Variants in FGD6 observed in about 807,000 individuals in gnomAD.
FGD6 encodes FYVE, RhoGEF and PH domain containing 6, also known as FYVE, RhoGEF and PH domain-containing protein 6.
Under a neutral mutation model 149.4 loss-of-function variants are expected in FGD6, and 90 were observed. The ratio of observed to expected loss-of-function variants is 0.60; its 90% confidence interval spans 0.51 to 0.72. The LOEUF (loss-of-function observed/expected upper bound fraction) is 0.72. Among genes scored for constraint, FGD6 ranks in the 30% least tolerant of loss-of-function variants. The pLI, the probability that FGD6 is intolerant of heterozygous loss-of-function variation, is 0.00. For synonymous variants in FGD6, 527 were observed against 584.0 expected (o/e 0.90, Z 1.41); for missense variants, 1,437 against 1,684.8 (o/e 0.85, Z 2.57).
At chr12:95,157,950 C>T (rs911792634) in intron 3 of FGD6, among the ~76,000 whole-genome samples, 5 of 152,068 alleles carry the variant, frequency 3.3e-5, no homozygotes, top group Non-Finnish European at 7.4e-5. Flanking sequence ...CGGGTTCAAG[C>T]GATTTTCCTG....
chr12:95,197,294 C>G (rs113010704), intron 2 of FGD6, among the ~76,000 whole-genome samples: 16 of 151,994 alleles, frequency 1.1e-4, no homozygotes, highest in African/African-American at 3.6e-4. Context: ...AAAAATTAGC[C>G]CAGTGTGGTG....
At chr12:95,115,835 G>C (rs145368647) in intron 8 of FGD6, among the ~76,000 whole-genome samples, 2 of 152,274 alleles carry the variant, frequency 1.3e-5, no homozygotes, top group Non-Finnish European at 2.9e-5. Flanking sequence ...CTGAAACTTC[G>C]TAAGTCTTTG....
In FGD6 at chr12:95,110,361, A is replaced by ATT. The variant is rs35972619; in HGVS notation, c.3134-1802_3134-1801dup. Among the ~76,000 whole-genome samples, 805 of 140,856 alleles carry ATT rather than the reference A, an allele frequency of 5.7e-3. 40 individuals are homozygous for ATT. The East Asian group carries it at 0.14, about 24-fold the overall frequency. 92.4% of individuals were successfully genotyped at this position (140,856 alleles called of 152,430 possible). A position where few individuals can be genotyped will look rare whatever the true frequency, so the allele number is the denominator to read the frequency against. ...ATAGAGACCCTGACTATATATCAGAATTTTTTTTTTTTTTTGAGACAGTCT... is the reference window on the plus strand; with the variant it reads ...ATAGAGACCCTGACTATATATCAGAATTTTTTTTTTTTTTTTTGAGACAGTCT... On this transcript the variant is annotated intron_variant, in intron 9 of 20. Coordinates refer to ENST00000343958, the MANE Select transcript of FGD6 (RefSeq NM_018351.4).
intron 2 of FGD6, among the ~76,000 whole-genome samples, chr12:95,203,000 T>G (rs1592875713): frequency 2.0e-5 from 3 of 152,224 alleles, no homozygotes; most frequent in African/African-American, 7.2e-5. Context: ...CATAGGCTGT[T>G]AATGTATACT....
chr12:95,092,712 C>T lies in FGD6; in HGVS notation c.3734G>A (p.Arg1245Gln), dbSNP rs772590068. 1.6e-5 allele frequency: 26 copies of T among 1,613,876 alleles called. No homozygotes were observed. Among genetic ancestry groups the T allele is most frequent in the Non-Finnish European group, 2.1e-5 (25 of 1,179,998 alleles). ...FTLTWRRHHC[R>Q]ACGKIVCQAC... ...ATCATCGCCAACCTTTCCACAGGCC[C>T]GGCAGTGGTGTCGTCTCCAGGTGAG... The change falls in exon 16 of 21, where the codon CGG becomes CAG. Residue 1245 changes from arginine to glutamine, a missense_variant. Transcript: ENST00000343958.
intron 3 of FGD6, among the ~76,000 whole-genome samples, chr12:95,158,135 C>T (rs1391723066): frequency 3.4e-5 from 5 of 148,162 alleles, no homozygotes; most frequent in African/African-American, 1.0e-4. Flanking sequence ...CAGGCATGAG[C>T]CACCGTGCCT....
chr12:95,146,273 C>CT (rs550408072), intron 5 of FGD6, among the ~76,000 whole-genome samples: 14 of 152,170 alleles, frequency 9.2e-5, no homozygotes, highest in South Asian at 2.1e-4. Context: ...GAGGTGACAT[C>CT]TTTTTTTTAT....
rs200227122 is a variant in FGD6 at position 95,137,538 on chromosome 12, A to G, written c.2978T>C (p.Val993Ala). ...AGCAAATACCTCAAATTCTCTAACA[A>G]CAGCAGCAAAACCTGGATTTTTCTT... ...QCKKNPGFAA[V>A]VREFEMSPRC... Residue 993 changes from valine (V) to alanine (A), a missense_variant, in exon 7 of 21, where the codon GTT becomes GCT. Val to Ala is a moderately conservative substitution (Grantham distance 64). Around this residue, in one of 2 missense-constraint regions of FGD6, gnomAD observed 382 missense variants for 538.7 expected, o/e 0.71. Transcript: ENST00000343958. 1.4e-4 allele frequency: 226 copies of G among 1,593,410 alleles called. No individual in the cohort carries two copies. The highest frequency in any genetic ancestry group is 2.4e-4 in the South Asian group (21 of 86,528).
intron 14 of FGD6, among the ~76,000 whole-genome samples, chr12:95,101,808 G>A (rs1878447390): frequency 1.4e-5 from 2 of 146,234 alleles, no homozygotes. Context: ...TCAGTCTCCC[G>A]AGTAGCTGGG....
Position 95,105,090 on chromosome 12 carries a change from G to GAAGAAAGC in FGD6, c.3418-12_3418-5dup. 1.2e-6 allele frequency: 2 copies of GAAGAAAGC among 1,605,526 alleles called. No homozygotes were observed. Reference sequence around the variant, plus strand: ...CTTCTTGGGTAGGTTTTCTGACCTGGAAGAAAGCACAACAATTTGAGCCGA... The same window carrying GAAGAAAGC: ...CTTCTTGGGTAGGTTTTCTGACCTGGAAGAAAGCAAGAAAGCACAACAATTTGAGCCGA... On this transcript the variant is annotated splice_region_variant and splice_polypyrimidine_tract_variant and intron_variant, in intron 13 of 20. Transcript: ENST00000343958.
chr12:95,153,874 G>A (rs531610561), intron 3 of FGD6, among the ~76,000 whole-genome samples: 5 of 151,714 alleles, frequency 3.3e-5, no homozygotes, highest in Non-Finnish European at 7.4e-5. Context: ...TGCTTAGAGA[G>A]TCAAGGCAGT....
intron 20 of FGD6, 33 bp downstream of exon 20, chr12:95,084,465 T>C (rs1877793421): frequency 6.7e-7 from 1 of 1,487,358 alleles, no homozygotes; most frequent in East Asian, 2.5e-5. Context: ...TGAAATCTCA[T>C]GAATAAAAGA....
At chr12:95,092,908 T>G (rs747575519) in intron 15 of FGD6, 63 bp from the exon 16 acceptor site, 2 of 1,537,230 alleles carry the variant, frequency 1.3e-6, no homozygotes, top group Non-Finnish European at 1.8e-6. Context: ...TATTCGGCAG[T>G]GGCATCTCAC....
At chr12:95,139,724 C>T (rs1045429114) in intron 6 of FGD6, among the ~76,000 whole-genome samples, 9 of 151,318 alleles carry the variant, frequency 5.9e-5, no homozygotes, top group Admixed American at 2.6e-4. Context: ...GGCACAATCT[C>T]GGCTCACTGC....
intron 2 of FGD6, among the ~76,000 whole-genome samples, chr12:95,174,909 AGAGT>A (rs1218297200): frequency 7.7e-6 from 1 of 129,914 alleles, no homozygotes; most frequent in Non-Finnish European, 1.6e-5. Flanking sequence ...CCTGGGCGAC[AGAGT>A]GAGACTCCAT....
intron 8 of FGD6, chr12:95,126,501 G>A (rs572686248): frequency 1.9e-6 from 1 of 529,284 alleles, no homozygotes; most frequent in African/African-American, 2.0e-5. Flanking sequence ...GGCTGAGGCA[G>A]GTGGATCACT....
At position 95,210,885 on chromosome 12, in the gene FGD6, TA is replaced by T; in HGVS notation, c.398del (p.Leu133Ter). The T allele has an allele frequency of 6.2e-7, 1 of 1,612,990 alleles. No homozygotes were observed. The highest frequency in any genetic ancestry group is 8.5e-7 in the Non-Finnish European group (1 of 1,179,746). On this transcript the variant is annotated frameshift_variant, in exon 2 of 21. Coordinates refer to ENST00000343958, the MANE Select transcript of FGD6 (RefSeq NM_018351.4). LOFTEE classifies it high-confidence loss of function. ...RENLCVKQLV[L>X]EPLEMNENLE... ...AATTTTCATTCATTTCCAGGGGCTCTAAAACAAGCTGCTTTACACACAAATT... is the reference window on the plus strand; with the variant it reads ...AATTTTCATTCATTTCCAGGGGCTCTAAACAAGCTGCTTTACACACAAATT...
intron 3 of FGD6, among the ~76,000 whole-genome samples, chr12:95,168,124 CTT>C (rs1880878282): frequency 6.6e-6 from 1 of 152,112 alleles, no homozygotes; most frequent in Non-Finnish European, 1.5e-5. Flanking sequence ...AATAAACTGA[CTT>C]TAAAAAATTA....
Position 95,172,627 on chromosome 12 carries a change from T to C in FGD6, c.2559A>G (p.Gly853=). Reference sequence around the variant, plus strand: ...GTTTATCTTCCAGTGGGTCAGGCTCTCCTTTACTTGACTCAGAGCTGACAT... The same window carrying C: ...GTTTATCTTCCAGTGGGTCAGGCTCCCCTTTACTTGACTCAGAGCTGACAT... The part of the protein sequence containing the change: ...EDDVSSESSK[G]EPDPLEDKQD... The change falls in exon 3 of 21, where the codon GGA becomes GGG. Residue 853 remains glycine (G), a synonymous_variant. Transcript: ENST00000343958. 1 of 1,611,642 alleles carries C rather than the reference T, an allele frequency of 6.2e-7. No individual in the cohort carries two copies. The highest frequency in any genetic ancestry group is 1.1e-5 in the South Asian group (1 of 90,494).
Sources: allele counts gnomAD v4.1 joint callset (sites outside exome capture counted in the v4.1 genomes callset), GRCh38; gene constraint gnomAD v4.1.1; regional missense constraint gnomAD v4.1.1; transcripts MANE v1.5; gene names NCBI Gene and HGNC (gene_info 2026-07-23, HGNC 2026-07-21).